The following DHRS11 variants were observed in gnomAD, a reference collection of about 807,000 sequenced individuals.
DHRS11 encodes the protein dehydrogenase/reductase SDR family member 11.
DHRS11 carries 18 observed loss-of-function variants against 30.7 expected under a neutral mutation model. That is an observed-to-expected ratio of 0.59 (90% CI 0.41 to 0.87). DHRS11 has a LOEUF of 0.87. Ranked by LOEUF, DHRS11 falls within the 40% of genes least tolerant of loss-of-function variation. DHRS11 has a pLI of 0.00. For synonymous variants in DHRS11, 123 were observed against 139.6 expected (o/e 0.88, Z 0.84); for missense variants, 300 against 349.0 (o/e 0.86, Z 1.12).
rs771286528 is a variant in DHRS11, at chr17:36,592,816, C to A, written c.147+660C>A. 3.3e-5 allele frequency among the ~76,000 whole-genome samples: 5 copies of A among 152,090 alleles called. No homozygotes were observed. Among genetic ancestry groups the A allele is most frequent in the Non-Finnish European group, 7.4e-5 (5 of 68,026 alleles). On this transcript the variant is annotated intron_variant, in intron 1 of 6. Transcript: ENST00000618403. This position sits in a 1 kb window ranked among gnomAD's most constrained non-coding sequence, Gnocchi z 4.4. Reference sequence around the variant, plus strand: ...AAAAATCAAGATGGCCATTTTGGAGCAGGGAGGAATTTCTGTGCTAGGCTC... The same window carrying A: ...AAAAATCAAGATGGCCATTTTGGAGAAGGGAGGAATTTCTGTGCTAGGCTC...
intron 5 of DHRS11, 49 bp downstream of exon 5, chr17:36,599,812 G>A (rs765946832): frequency 1.2e-6 from 2 of 1,610,326 alleles, no homozygotes; most frequent in Non-Finnish European, 1.7e-6. Context: ...CCTAAATGAA[G>A]GCAGAGGGAA....
At position 36,591,924 on chromosome 17, in the gene DHRS11, C is replaced by T; in HGVS notation, c.-86C>T. ...CGCGGATCGGACCCAAGCAGGTCGG[C>T]GGCGGCGGCAGGAGAGCGGCCGGGC... is the stretch of plus-strand genomic sequence containing the variant. On this transcript the variant is annotated 5_prime_UTR_variant, in exon 1 of 7. Transcript: ENST00000618403. 1 of 1,202,864 alleles carries T rather than the reference C, an allele frequency of 8.3e-7. No individual in the cohort carries two copies. The highest frequency in any genetic ancestry group is 1.0e-6 in the Non-Finnish European group (1 of 966,058). 74.5% of individuals were successfully genotyped at this position (1,202,864 alleles called of 1,614,324 possible). A position where few individuals can be genotyped will look rare whatever the true frequency, so the allele number is the denominator to read the frequency against.
intron 2 of DHRS11, 89 bp downstream of exon 2, chr17:36,595,269 C>T (rs1167388898): frequency 7.5e-6 from 11 of 1,462,442 alleles, no homozygotes; most frequent in South Asian, 2.4e-5. Context: ...CTGCTGGGGA[C>T]GGGACATCTA....
chr17:36,592,051 G>A lies in DHRS11; in HGVS notation c.42G>A (p.Ala14=). The A allele has an allele frequency of 1.6e-6, 2 of 1,234,168 alleles. No homozygotes were observed. The highest frequency in any genetic ancestry group is 4.1e-5 in the South Asian group (1 of 24,564). The allele number at this position is 1,234,168 out of a possible 1,614,324, so 76.5% of individuals were successfully genotyped here. The change falls in exon 1 of 7, where the codon GCG becomes GCA. Residue 14 remains alanine, a synonymous_variant. Coordinates refer to ENST00000618403, the MANE Select transcript of DHRS11 (RefSeq NM_024308.4). The surrounding 1 kb of genome is among the most constrained non-coding windows in gnomAD (Gnocchi z 4.4). ...TGGAGCGGTGGCGCGACCGGCTGGC[G>A]CTGGTGACGGGGGCCTCGGGGGGCA... is the stretch of plus-strand genomic sequence containing the variant. ...PGMERWRDRL[A]LVTGASGGIG... is the part of the protein sequence containing the mutation.
At position 36,594,987 on chromosome 17, in the gene DHRS11, G is replaced by T. The variant is rs1252431584; in HGVS notation, c.164G>T (p.Cys55Phe). The change falls in exon 2 of 7, where the codon TGT becomes TTT. Residue 55 changes from cysteine (C) to phenylalanine (F), a missense_variant. Cys to Phe is a radical substitution (Grantham distance 205, BLOSUM62 -2). Coordinates refer to ENST00000618403, the MANE Select transcript of DHRS11 (RefSeq NM_024308.4). ...GTTTCATAGGAGCTGGCTGCTGAAT[G>T]TAAGAGTGCAGGCTACCCCGGGACT... ...VGNIEELAAE[C>F]KSAGYPGTLI... The T allele has an allele frequency of 1.2e-6, 2 of 1,614,240 alleles. No individual in the cohort carries two copies. Among genetic ancestry groups the T allele is most frequent in the East Asian group, 2.2e-5 (1 of 44,890 alleles).
intron 3 of DHRS11, 32 bp from the exon 4 acceptor site, chr17:36,598,889 C>A: frequency 6.3e-7 from 1 of 1,594,182 alleles, no homozygotes; most frequent in Non-Finnish European, 8.5e-7. Context: ...GAACTTCATT[C>A]TCTCCTCTTT....
chr17:36,592,684 G>C lies in DHRS11; in HGVS notation c.147+528G>C, dbSNP rs77947323. Among the ~76,000 whole-genome samples the C allele has an allele frequency of 0.021, 3,140 of 152,308 alleles. 96 individuals are homozygous for C. The highest frequency in any genetic ancestry group is 0.093 in the East Asian group (480 of 5,174). On this transcript the variant is annotated intron_variant, in intron 1 of 6. Coordinates refer to ENST00000618403, the MANE Select transcript of DHRS11 (RefSeq NM_024308.4). The surrounding 1 kb of genome is among the most constrained non-coding windows in gnomAD (Gnocchi z 4.4). ...TAGTGGGCCCTCCTCCACTCTCCTG[G>C]GGCGAACAGAGTGGGTGAAATCGGG...
chr17:36,598,779 C>A (rs1254689662), intron 3 of DHRS11, 142 bp from the exon 4 acceptor site: 5 of 1,080,974 alleles, frequency 4.6e-6, no homozygotes, highest in Non-Finnish European at 6.6e-6. Context: ...GATTAGTGAG[C>A]TGTAGGATGG....
At chr17:36,599,152 C>T (rs2074835763) in intron 4 of DHRS11, 102 bp downstream of exon 4, 1 of 1,475,778 alleles carries the variant, frequency 6.8e-7, no homozygotes, top group Non-Finnish European at 9.0e-7. Flanking sequence ...CCGCTCAGAG[C>T]TCCTGGGAGT....
rs374687848 is a variant in DHRS11 at position 36,599,006 on chromosome 17, C to T, written c.538C>T (p.Leu180=). 3 of 1,613,310 alleles carry T rather than the reference C, an allele frequency of 1.9e-6. No homozygotes were observed. Among genetic ancestry groups the T allele is most frequent in the Non-Finnish European group, 2.5e-6 (3 of 1,180,024 alleles). ...TGCCGTCACTGCGCTGACAGAGGGA[C>T]TGAGGCAAGAGCTTCGGGAGGCCCA... is the stretch of plus-strand genomic sequence containing the variant. ...KYAVTALTEG[L]RQELREAQTH... is the part of the protein sequence containing the mutation. Residue 180 remains leucine (L), a synonymous_variant, in exon 4 of 7, where the codon CTG becomes TTG. Coordinates refer to ENST00000618403, the MANE Select transcript of DHRS11 (RefSeq NM_024308.4).
In DHRS11 at chr17:36,600,474, TCA is replaced by T. The variant is rs2074851250; in HGVS notation, c.*272_*273del. 2 of 583,880 alleles carry T rather than the reference TCA, an allele frequency of 3.4e-6. No homozygotes were observed. The highest frequency in any genetic ancestry group is 1.9e-5 in the African/African-American group (1 of 53,694). The allele number at this position is 583,880 out of a possible 1,614,324, so 36.2% of individuals were successfully genotyped here. A position where few individuals can be genotyped will look rare whatever the true frequency, so the allele number is the denominator to read the frequency against. Reference sequence around the variant, plus strand: ...CTGGGCACTTGGCCTTTGTCTGCTCTCAGTGTCTTCCCTTTGACATGGGAAAG... The same window carrying T: ...CTGGGCACTTGGCCTTTGTCTGCTCTGTGTCTTCCCTTTGACATGGGAAAG... On this transcript the variant is annotated 3_prime_UTR_variant, in exon 7 of 7. Transcript: ENST00000618403.
intron 3 of DHRS11, 124 bp from the exon 4 acceptor site, chr17:36,598,796 GA>G: frequency 7.8e-7 from 1 of 1,281,060 alleles, no homozygotes; most frequent in Non-Finnish European, 1.1e-6. Context: ...ATGGCCAGTA[GA>G]GGTCCCCTTT....
intron 1 of DHRS11, among the ~76,000 whole-genome samples, chr17:36,593,750 G>A (rs1253566928): frequency 8.6e-5 from 13 of 152,042 alleles, no homozygotes; most frequent in Non-Finnish European, 1.9e-4. Context: ...AGCTTGGGAG[G>A]AGGAAGGGGC....
At position 36,591,902 on chromosome 17, in the gene DHRS11, G is replaced by C; in HGVS notation, c.-108G>C. ...CCGGGACTCTGGTGGGTCTAGGCGC[G>C]GATCGGACCCAAGCAGGTCGGCGGC... On this transcript the variant is annotated 5_prime_UTR_variant, in exon 1 of 7. Coordinates refer to ENST00000618403, the MANE Select transcript of DHRS11 (RefSeq NM_024308.4). 2.6e-6 allele frequency: 3 copies of C among 1,146,908 alleles called. No homozygotes were observed. The highest frequency in any genetic ancestry group is 3.3e-6 in the Non-Finnish European group (3 of 916,024). 71.0% of individuals were successfully genotyped at this position (1,146,908 alleles called of 1,614,324 possible). A position where few individuals can be genotyped will look rare whatever the true frequency, so the allele number is the denominator to read the frequency against.
chr17:36,598,658 G>A (rs1346052190), intron 3 of DHRS11: 8 of 532,946 alleles, frequency 1.5e-5, no homozygotes, highest in Non-Finnish European at 2.3e-5. Context: ...CAGATTAGAT[G>A]GAGAGAATTC....
At chr17:36,593,308 C>T (rs1253818886) in intron 1 of DHRS11, among the ~76,000 whole-genome samples, 3 of 152,168 alleles carry the variant, frequency 2.0e-5, no homozygotes, top group African/African-American at 7.2e-5. Flanking sequence ...GAGAATGCCC[C>T]TGTTGTGAGG....
At chr17:36,595,547 G>A (rs1357448097) in intron 2 of DHRS11, among the ~76,000 whole-genome samples, 1 of 149,596 alleles carries the variant, frequency 6.7e-6, no homozygotes, top group Non-Finnish European at 1.5e-5. Flanking sequence ...AGCCTCCTGA[G>A]TAGCTGGAAT....
Position 36,600,312 on chromosome 17 carries a change from C to T in DHRS11, c.*109C>T. On this transcript the variant is annotated 3_prime_UTR_variant, in exon 7 of 7. Transcript: ENST00000618403. Reference sequence around the variant, plus strand: ...CGGGATACCACTTCCTGTCCACACCCCGACCAGGGGCTAGAAAATTTGTTT... The same window carrying T: ...CGGGATACCACTTCCTGTCCACACCTCGACCAGGGGCTAGAAAATTTGTTT... 1 of 1,305,444 alleles carries T rather than the reference C, an allele frequency of 7.7e-7. No homozygotes were observed. The highest frequency in any genetic ancestry group is 2.1e-5 in the Admixed American group (1 of 48,278). 80.9% of individuals were successfully genotyped at this position (1,305,444 alleles called of 1,614,324 possible).
intron 2 of DHRS11, among the ~76,000 whole-genome samples, chr17:36,595,985 C>G (rs1047824973): frequency 6.6e-5 from 10 of 152,106 alleles, no homozygotes; most frequent in African/African-American, 2.2e-4. Context: ...ATGAACACAC[C>G]TCTATCATCA....
Sources: gnomAD v4.1 joint callset for allele counts (sites outside exome capture counted in the v4.1 genomes callset) on GRCh38, gnomAD v4.1.1 for gene constraint, Gnocchi (gnomAD v3.1) non-coding constraint, MANE v1.5 for transcripts, NCBI Gene and HGNC (gene_info 2026-07-23, HGNC 2026-07-21) for gene names.